Variants in CIT observed in about 807,000 individuals in gnomAD.
The protein encoded by CIT is citron rho-interacting serine/threonine kinase, also known as citron Rho-interacting kinase.
CIT carries 79 observed loss-of-function variants against 272.7 expected under a neutral mutation model. That is an observed-to-expected ratio of 0.29 (90% confidence interval 0.24 to 0.35). CIT has a LOEUF of 0.35. Among genes scored for constraint, CIT ranks in the 10% least tolerant of loss-of-function variants. The probability of loss-of-function intolerance (pLI) is 1.00; values close to 1 mark genes in which losing one functional copy is unlikely to be tolerated. For synonymous variants in CIT, 948 were observed against 995.6 expected (o/e 0.95, Z 0.90); for missense variants, 1,909 against 2,618.3 (o/e 0.73, Z 5.91).
chr12:119,727,026 G>C (rs1465654791), intron 28 of CIT, among the ~76,000 whole-genome samples: 1 of 152,204 alleles, frequency 6.6e-6, no homozygotes, highest in Non-Finnish European at 1.5e-5. Context: ...TGTGCAGGAA[G>C]CTAATTTGCA....
chr12:119,823,017 C>T (rs1967851525), intron 8 of CIT, 44 bp from the exon 9 acceptor site: 2 of 1,546,942 alleles, frequency 1.3e-6, no homozygotes, highest in Non-Finnish European at 1.8e-6. Flanking sequence ...AGTAGGGATT[C>T]CGTTTCTCAT....
At chr12:119,803,843 G>A (rs995298754) in intron 9 of CIT, among the ~76,000 whole-genome samples, 1 of 152,076 alleles carries the variant, frequency 6.6e-6, no homozygotes, top group Non-Finnish European at 1.5e-5. Flanking sequence ...GAAATAAGAT[G>A]GAACTTCTAC....
At chr12:119,720,426 A>G in intron 30 of CIT, 52 bp downstream of exon 30, 1 of 1,250,766 alleles carries the variant, frequency 8.0e-7, no homozygotes, top group East Asian at 2.3e-5. Context: ...CCACTGAGCC[A>G]TGAATGATGA....
At chr12:119,807,962 A>G (rs568301115) in intron 9 of CIT, among the ~76,000 whole-genome samples, 3 of 152,218 alleles carry the variant, frequency 2.0e-5, no homozygotes, top group Admixed American at 1.3e-4. Context: ...TGTTTGAGGT[A>G]ACATCAGAAC....
At chr12:119,749,084 G>A (rs541232029) in intron 23 of CIT, among the ~76,000 whole-genome samples, 37 of 152,298 alleles carry the variant, frequency 2.4e-4, no homozygotes, top group African/African-American at 7.9e-4. Flanking sequence ...CATTAGAAAC[G>A]GCAACAAAGG....
chr12:119,782,804 A>G, intron 12 of CIT, 167 bp from the exon 13 acceptor site: 1 of 713,264 alleles, frequency 1.4e-6, no homozygotes, highest in African/African-American at 1.8e-5. Flanking sequence ...CCATCCTGTA[A>G]AACCCCTTGG....
intron 3 of CIT, among the ~76,000 whole-genome samples, chr12:119,865,483 C>T (rs1251113594): frequency 6.6e-6 from 1 of 152,204 alleles, no homozygotes; most frequent in African/African-American, 2.4e-5. Flanking sequence ...GTTATTAATA[C>T]TGGGTACCAT....
chr12:119,875,651 A>C (rs1275173969), intron 2 of CIT, among the ~76,000 whole-genome samples: 1 of 152,120 alleles, frequency 6.6e-6, no homozygotes, highest in Non-Finnish European at 1.5e-5. Context: ...TTTCAAACAA[A>C]ACAAAACAGA....
rs765030885 is a variant in CIT, at chr12:119,708,344, C to T, written c.5072-26G>A. 5.3e-5 allele frequency: 82 copies of T among 1,533,682 alleles called. No homozygotes were observed. In the East Asian group the frequency reaches 7.8e-4, roughly 15 times the overall value. On this transcript the variant is annotated intron_variant, in intron 39 of 47. Coordinates refer to ENST00000392521, the MANE Select transcript of CIT (RefSeq NM_001206999.2). ...CTGAACAGGAAAAGGAACAACCTCT[C>T]GTCAGTGTGAAGCCGTTAAGTAAAG...
At chr12:119,705,326 C>G (rs992333034) in intron 40 of CIT, among the ~76,000 whole-genome samples, 2 of 152,162 alleles carry the variant, frequency 1.3e-5, no homozygotes, top group Non-Finnish European at 2.9e-5. Flanking sequence ...ACCCTTTTAA[C>G]GTCTCCTGCT....
chr12:119,741,245 G>C (rs1282754184), intron 24 of CIT, among the ~76,000 whole-genome samples: 1 of 152,020 alleles, frequency 6.6e-6, no homozygotes, highest in Admixed American at 6.6e-5. Context: ...AAGCCCCAGA[G>C]AGCACATCCT....
chr12:119,734,123 C>A, intron 26 of CIT, 41 bp downstream of exon 26: 2 of 1,595,958 alleles, frequency 1.3e-6, no homozygotes, highest in Admixed American at 1.7e-5. Context: ...GATCCTCCTG[C>A]GGTCACCTGT....
chr12:119,864,138 C>A (rs1159862578), intron 3 of CIT, among the ~76,000 whole-genome samples: 1 of 151,290 alleles, frequency 6.6e-6, no homozygotes, highest in African/African-American at 2.4e-5. Context: ...AAAAAAAAAA[C>A]TTTTCAAAAG....
intron 8 of CIT, among the ~76,000 whole-genome samples, chr12:119,824,140 A>G (rs1444042610): frequency 4.9e-5 from 7 of 143,232 alleles, no homozygotes; most frequent in Non-Finnish European, 1.1e-4. Flanking sequence ...ATATATATAT[A>G]TACAGTAAAA....
intron 16 of CIT, among the ~76,000 whole-genome samples, 193 bp downstream of exon 16, chr12:119,775,593 C>T (rs2137629106): frequency 6.6e-6 from 1 of 152,322 alleles, no homozygotes; most frequent in East Asian, 1.9e-4. Context: ...ATAAACACTG[C>T]TGACATGTCT....
intron 22 of CIT, 51 bp from the exon 23 acceptor site, chr12:119,752,298 AC>A: frequency 6.7e-7 from 1 of 1,503,222 alleles, no homozygotes; most frequent in Non-Finnish European, 8.9e-7. Flanking sequence ...CTTGGTCTGA[AC>A]AAAAGAGAAA....
At chr12:119,809,773 C>T (rs939839891) in intron 9 of CIT, among the ~76,000 whole-genome samples, 2 of 152,210 alleles carry the variant, frequency 1.3e-5, no homozygotes, top group Non-Finnish European at 2.9e-5. Flanking sequence ...ACAGGCCTTG[C>T]TGGGATTCCC....
chr12:119,862,958 T>A (rs1950402468), intron 3 of CIT, among the ~76,000 whole-genome samples: 1 of 146,484 alleles, frequency 6.8e-6, no homozygotes, highest in Non-Finnish European at 1.5e-5. Flanking sequence ...TCTCAGCACT[T>A]TGGGAAAAAG....
chr12:119,700,785 G>C lies in CIT; in HGVS notation c.5583C>G (p.Arg1861=). Residue 1861 remains arginine, a synonymous_variant, in exon 44 of 48, where the codon CGC becomes CGG. Transcript: ENST00000392521. ...VFVDSYGRRS[R]TDDLKWSRLP... is the part of the protein sequence containing the mutation. ...AGCGACTCCACTTGAGATCGTCTGT[G>C]CGGCTACGTCTTCCGTAAGAATCCA... The C allele has an allele frequency of 1.2e-6, 2 of 1,614,006 alleles. No individual in the cohort carries two copies. Among genetic ancestry groups the C allele is most frequent in the Non-Finnish European group, 1.7e-6 (2 of 1,179,990 alleles).
Sources: allele counts gnomAD v4.1 joint callset (sites outside exome capture counted in the v4.1 genomes callset), GRCh38; gene constraint gnomAD v4.1.1; transcripts MANE v1.5; gene names NCBI Gene and HGNC (gene_info 2026-07-23, HGNC 2026-07-21).